The following PTPN5 variants were observed in gnomAD, a reference collection of about 807,000 sequenced individuals.
PTPN5 encodes the protein protein tyrosine phosphatase non-receptor type 5, also known as tyrosine-protein phosphatase non-receptor type 5.
In PTPN5, 29 loss-of-function variants were observed where a neutral mutation model predicts 73.9. That is an observed-to-expected ratio of 0.39 (90% CI 0.29 to 0.54). PTPN5 has a LOEUF of 0.54. PTPN5 is among the 20% of genes least tolerant of loss of function. PTPN5 has a pLI of 0.65. For synonymous variants in PTPN5, 267 were observed against 304.7 expected, an observed-to-expected ratio of 0.88 and a Z score of 1.29; for missense variants, 652 against 751.4, an observed-to-expected ratio of 0.87 and a Z score of 1.55.
chr11:18,784,918 A>G (rs1005470574), intron 1 of PTPN5, among the ~76,000 whole-genome samples: 2 of 151,912 alleles, frequency 1.3e-5, no homozygotes, highest in African/African-American at 4.8e-5. Context: ...CAGCGGCGCT[A>G]TCTTGGCTCA....
chr11:18,746,195 A>ATATATATAT (rs377606416), intron 3 of PTPN5, among the ~76,000 whole-genome samples: 2 of 114,036 alleles, frequency 1.8e-5, no homozygotes, highest in Non-Finnish European at 3.7e-5. Context: ...ATATATATAC[A>ATATATATAT]TTTTTTTTTT....
At chr11:18,749,571 C>G in intron 3 of PTPN5, 1 of 511,812 alleles carries the variant, frequency 2.0e-6, no homozygotes, top group South Asian at 1.4e-5. Flanking sequence ...GATGAAGCCT[C>G]AAAGTATACA....
intron 3 of PTPN5, among the ~76,000 whole-genome samples, chr11:18,746,537 G>A (rs1459532898): frequency 6.6e-6 from 1 of 151,864 alleles, no homozygotes; most frequent in Non-Finnish European, 1.5e-5. Flanking sequence ...ACCTAGCATA[G>A]TGTTCAGCAT....
At chr11:18,734,251 C>T (rs971008422) in intron 9 of PTPN5, among the ~76,000 whole-genome samples, 3 of 152,214 alleles carry the variant, frequency 2.0e-5, no homozygotes, top group Admixed American at 1.3e-4. Flanking sequence ...TCTCCTCTAT[C>T]TGGATTAAGA....
intron 3 of PTPN5, among the ~76,000 whole-genome samples, chr11:18,760,318 C>T (rs907440281): frequency 6.6e-5 from 10 of 152,170 alleles, no homozygotes; most frequent in African/African-American, 2.4e-4. Context: ...CAGAGATAGG[C>T]GCTGCAGGAT....
chr11:18,785,970 C>G (rs376597003), intron 1 of PTPN5, among the ~76,000 whole-genome samples: 1 of 152,196 alleles, frequency 6.6e-6, no homozygotes, highest in Non-Finnish European at 1.5e-5. Context: ...CCCTCCCCAT[C>G]CAACATGCTA....
intron 3 of PTPN5, among the ~76,000 whole-genome samples, chr11:18,746,656 CA>C (rs1249116644): frequency 6.6e-6 from 1 of 152,142 alleles, no homozygotes; most frequent in African/African-American, 2.4e-5. Context: ...GACATGTTTA[CA>C]ATACAGTGCA....
chr11:18,737,325 A>T (rs1849159769), intron 9 of PTPN5, among the ~76,000 whole-genome samples: 2 of 152,188 alleles, frequency 1.3e-5, no homozygotes, highest in Non-Finnish European at 2.9e-5. Flanking sequence ...ACTTGAATAT[A>T]CTGAGTAATG....
intron 2 of PTPN5, among the ~76,000 whole-genome samples, chr11:18,770,883 C>CA (rs1850857972): frequency 1.3e-5 from 2 of 152,132 alleles, no homozygotes; most frequent in South Asian, 4.1e-4. Flanking sequence ...CAGCTGCTGC[C>CA]GTGGGCTGGG....
At chr11:18,731,981 C>T (rs1218330856) in intron 12 of PTPN5, among the ~76,000 whole-genome samples, 1 of 152,216 alleles carries the variant, frequency 6.6e-6, no homozygotes, top group Non-Finnish European at 1.5e-5. Context: ...ACAGTCTCCT[C>T]TATTATGCTG....
chr11:18,736,157 C>T (rs1404525394), intron 9 of PTPN5, among the ~76,000 whole-genome samples: 1 of 152,136 alleles, frequency 6.6e-6, no homozygotes, highest in Non-Finnish European at 1.5e-5. Flanking sequence ...GGTGCAGACC[C>T]CGGCATGGTG....
intron 3 of PTPN5, 117 bp downstream of exon 3, chr11:18,765,690 A>G (rs1321238830): frequency 4.1e-6 from 3 of 731,202 alleles, no homozygotes; most frequent in Non-Finnish European, 5.0e-6. Flanking sequence ...GAGCAGCTGC[A>G]TGGATATTCT....
upstream of PTPN5, chr11:18,791,857 G>C (rs1239449172): frequency 1.3e-5 from 2 of 152,008 alleles, no homozygotes; most frequent in Non-Finnish European, 1.5e-5. Flanking sequence ...CCCCGCCCCC[G>C]GGCGGGCTTC....
At position 18,733,360 on chromosome 11, in the gene PTPN5, C is replaced by T. The variant is rs1384350284; in HGVS notation, c.1093G>A (p.Glu365Lys). The T allele has an allele frequency of 6.2e-7, 1 of 1,613,930 alleles. No homozygotes were observed. ...NANYIRGYGG[E>K]EKVYIATQGP... ...TGAGTGGCGATGTACACCTTCTCCTCCCCACCATAGCCCTGCGGCCAGCCA... is the reference window on the plus strand; with the variant it reads ...TGAGTGGCGATGTACACCTTCTCCTTCCCACCATAGCCCTGCGGCCAGCCA... The change falls in exon 11 of 15, where the codon GAG becomes AAG. Residue 365 changes from glutamate (E) to lysine (K), a missense_variant. Glu to Lys is a moderately conservative substitution (Grantham distance 56, BLOSUM62 1). This residue lies in a region of PTPN5 where 529 missense variants were observed against 573.9 expected (regional missense o/e 0.92). Coordinates refer to ENST00000358540, the MANE Select transcript of PTPN5 (RefSeq NM_006906.2). This position sits in a 1 kb window ranked among gnomAD's most constrained non-coding sequence, Gnocchi z 4.3.
chr11:18,775,783 A>G lies in PTPN5; in HGVS notation c.-113-3712T>C, dbSNP rs145491677. On this transcript the variant is annotated intron_variant, in intron 1 of 14. Coordinates refer to ENST00000358540, the MANE Select transcript of PTPN5 (RefSeq NM_006906.2). ...AAAGGGCCTGAATGAGATGACCTCT[A>G]AGGGCCTTTCCTTAGAGGTCAGGCT... is the stretch of plus-strand genomic sequence containing the variant. 6.6e-5 allele frequency among the ~76,000 whole-genome samples: 10 copies of G among 152,272 alleles called. No individual in the cohort carries two copies. The South Asian group carries it at 8.3e-4, about 13-fold the overall frequency.
At chr11:18,775,037 A>G (rs998955936) in intron 1 of PTPN5, among the ~76,000 whole-genome samples, 12 of 152,214 alleles carry the variant, frequency 7.9e-5, no homozygotes, top group African/African-American at 2.9e-4. Flanking sequence ...CAGGCCAGGA[A>G]CTGCTCCAGG....
chr11:18,728,764 T>G lies in PTPN5; in HGVS notation c.*170A>C. On this transcript the variant is annotated 3_prime_UTR_variant, in exon 15 of 15. Transcript: ENST00000358540. This position sits in a 1 kb window ranked among gnomAD's most constrained non-coding sequence, Gnocchi z 4.1. ...GCCCCCCACTCCCCAATATGTACAG[T>G]AGGAAGAGCAATGCTGGAGGGTAGG... is the stretch of plus-strand genomic sequence containing the variant. 3.3e-6 allele frequency: 2 copies of G among 601,400 alleles called. No homozygotes were observed. Among genetic ancestry groups the G allele is most frequent in the Non-Finnish European group, 5.6e-6 (2 of 355,760 alleles). 37.3% of individuals were successfully genotyped at this position (601,400 alleles called of 1,614,324 possible).
chr11:18,768,770 C>T (rs561502685), intron 2 of PTPN5, among the ~76,000 whole-genome samples: 7 of 152,338 alleles, frequency 4.6e-5, no homozygotes, highest in Admixed American at 1.3e-4. Flanking sequence ...CCACAGCCTG[C>T]GTGTCTAGAC....
intron 3 of PTPN5, among the ~76,000 whole-genome samples, chr11:18,748,658 C>T (rs758396654): frequency 2.0e-5 from 3 of 151,662 alleles, no homozygotes; most frequent in Non-Finnish European, 2.9e-5. Flanking sequence ...CAGTGGATGT[C>T]TGTGATGGAA....
Sources: allele counts gnomAD v4.1 joint callset (sites outside exome capture counted in the v4.1 genomes callset), GRCh38; gene constraint gnomAD v4.1.1; regional missense constraint gnomAD v4.1.1; non-coding constraint Gnocchi (gnomAD v3.1); transcripts MANE v1.5; gene names NCBI Gene and HGNC (gene_info 2026-07-23, HGNC 2026-07-21).